DPP10: variants seen among roughly 807,000 people sequenced by gnomAD.
DPP10 encodes the protein inactive dipeptidyl peptidase 10.
DPP10 carries 33 observed loss-of-function variants against 120.9 expected under a neutral mutation model. That is an observed-to-expected ratio of 0.27 (90% confidence interval 0.21 to 0.37). DPP10 has a LOEUF of 0.37. Among genes scored for constraint, DPP10 ranks in the 10% least tolerant of loss-of-function variants. The probability of loss-of-function intolerance (pLI) is 1.00; values close to 1 mark genes in which losing one functional copy is unlikely to be tolerated. For synonymous variants in DPP10, 337 were observed against 326.1 expected, an observed-to-expected ratio of 1.03 and a Z score of -0.36; for missense variants, 816 against 942.8, an observed-to-expected ratio of 0.87 and a Z score of 1.76.
intron 1 of DPP10, among the ~76,000 whole-genome samples, chr2:114,822,689 A>G (rs1377011041): frequency 6.6e-6 from 1 of 151,980 alleles, no homozygotes; most frequent in Non-Finnish European, 1.5e-5. Context: ...TACATGCGCC[A>G]TGTTATGCTC....
At position 114,852,889 on chromosome 2, in the gene DPP10, G is replaced by A. The variant is rs191411452; in HGVS notation, c.60+410051G>A. ...AAGTTTTGCTTTTCCTCCCAAATACGCAACTCTTCATACTACTTCCAAGAA... is the reference window on the plus strand; with the variant it reads ...AAGTTTTGCTTTTCCTCCCAAATACACAACTCTTCATACTACTTCCAAGAA... On this transcript the variant is annotated intron_variant, in intron 1 of 25. Transcript: ENST00000410059. Among the ~76,000 whole-genome samples the A allele has an allele frequency of 1.9e-4, 29 of 152,144 alleles. No homozygotes were observed. The East Asian group carries it at 3.3e-3, about 17-fold the overall frequency.
chr2:114,659,570 A>G (rs10172749), intron 1 of DPP10, among the ~76,000 whole-genome samples: 48,500 of 151,916 alleles, frequency 0.32, 9,611 homozygotes, highest in African/African-American at 0.55. Context: ...TCAGAAAACA[A>G]TCACCCAAGA....
At chr2:115,315,424 G>C (rs1036597332) in intron 2 of DPP10, among the ~76,000 whole-genome samples, 20 of 152,066 alleles carry the variant, frequency 1.3e-4, no homozygotes, top group African/African-American at 4.6e-4. Context: ...TTACTATTTT[G>C]CTCTAACAAA....
At chr2:115,089,654 C>A (rs1709074899) in intron 1 of DPP10, among the ~76,000 whole-genome samples, 1 of 152,210 alleles carries the variant, frequency 6.6e-6, no homozygotes, top group Non-Finnish European at 1.5e-5. Context: ...TTGTTTCCTG[C>A]TTCAGAAGAA....
chr2:115,792,030 A>G (rs1684046141), intron 19 of DPP10, among the ~76,000 whole-genome samples: 1 of 152,178 alleles, frequency 6.6e-6, no homozygotes, highest in Admixed American at 6.5e-5. Flanking sequence ...ATCTTTAGAT[A>G]CAATAATTTC....
chr2:115,538,670 C>T lies in DPP10; in HGVS notation c.441+12698C>T, dbSNP rs184884521. Among the ~76,000 whole-genome samples, 6 of 152,010 alleles carry T rather than the reference C, an allele frequency of 3.9e-5. No homozygotes were observed. In the East Asian group the frequency reaches 9.7e-4, roughly 25 times the overall value. On this transcript the variant is annotated intron_variant, in intron 5 of 25. Transcript: ENST00000410059. ...GTAATGGACACACTAACTTAAGTAA[C>T]GTTATTGGCCACAGCTCAGTATAAA...
chr2:115,041,117 C>CAAAAA (rs10577275), intron 1 of DPP10, among the ~76,000 whole-genome samples: 2 of 127,936 alleles, frequency 1.6e-5, no homozygotes, highest in Non-Finnish European at 1.7e-5. Flanking sequence ...TAGCTCAAAA[C>CAAAAA]AAAAAAAAAA....
chr2:115,001,608 CCT>C, intron 1 of DPP10, among the ~76,000 whole-genome samples: 1 of 152,242 alleles, frequency 6.6e-6, no homozygotes, highest in East Asian at 1.9e-4. Flanking sequence ...TCAGTCTACC[CCT>C]GTTTGCAGAC....
intron 1 of DPP10, among the ~76,000 whole-genome samples, chr2:115,235,885 C>T (rs569873660): frequency 6.6e-6 from 1 of 152,226 alleles, no homozygotes; most frequent in Non-Finnish European, 1.5e-5. Flanking sequence ...CAGCTATTGC[C>T]TCAAATAAGT....
intron 1 of DPP10, among the ~76,000 whole-genome samples, chr2:115,057,032 C>T (rs1181783964): frequency 6.6e-6 from 1 of 152,164 alleles, no homozygotes; most frequent in Admixed American, 6.5e-5. Context: ...AGAACTATTT[C>T]CCCACTCCCT....
intron 1 of DPP10, among the ~76,000 whole-genome samples, chr2:115,120,344 G>T (rs2049758702): frequency 6.6e-6 from 1 of 152,212 alleles, no homozygotes; most frequent in Admixed American, 6.5e-5. Context: ...GACTCCTGGG[G>T]ATTTGAAGAT....
rs114996992 is a variant in DPP10 at position 115,817,454 on chromosome 2, A to G, written c.1950+1725A>G. ...GGTACATACTGACAGGTGGGTGTAT[A>G]AAAAACCACTTAAGAAATGAGTAAA... On this transcript the variant is annotated intron_variant, in intron 21 of 25. Coordinates refer to ENST00000410059, the MANE Select transcript of DPP10 (RefSeq NM_020868.6). Among the ~76,000 whole-genome samples, 888 of 152,280 alleles carry G rather than the reference A, an allele frequency of 5.8e-3. 4 individuals are homozygous for G. Among genetic ancestry groups the G allele is most frequent in the Middle Eastern group, 0.014 (4 of 294 alleles).
chr2:115,015,797 G>A (rs1019674163), intron 1 of DPP10, among the ~76,000 whole-genome samples: 3 of 152,170 alleles, frequency 2.0e-5, no homozygotes, highest in Non-Finnish European at 4.4e-5. Context: ...TATAAGGGAT[G>A]TGAAGGACCT....
At chr2:115,702,127 G>T (rs535849604) in intron 7 of DPP10, among the ~76,000 whole-genome samples, 17 of 151,940 alleles carry the variant, frequency 1.1e-4, no homozygotes, top group Non-Finnish European at 2.1e-4. Flanking sequence ...GTGACACAAT[G>T]ACCTTGAGGA....
intron 3 of DPP10, among the ~76,000 whole-genome samples, chr2:115,475,471 G>C (rs995809563): frequency 2.0e-5 from 3 of 152,204 alleles, no homozygotes; most frequent in Non-Finnish European, 4.4e-5. Context: ...CCTGCTGCAG[G>C]GGCAGAGCCC....
chr2:115,437,268 C>A (rs2071581780), intron 3 of DPP10, among the ~76,000 whole-genome samples: 1 of 152,032 alleles, frequency 6.6e-6, no homozygotes, highest in South Asian at 2.1e-4. Context: ...CAAGGGGCAA[C>A]CTTTTTTATA....
At chr2:114,881,598 G>GTTTATCTA (rs1691644049) in intron 1 of DPP10, among the ~76,000 whole-genome samples, 1 of 141,102 alleles carries the variant, frequency 7.1e-6, no homozygotes, top group South Asian at 2.2e-4. Flanking sequence ...CTGTCTGTCT[G>GTTTATCTA]TCTATCTATC....
chr2:114,587,202 G>T (rs896677076), intron 1 of DPP10, among the ~76,000 whole-genome samples: 1 of 151,450 alleles, frequency 6.6e-6, no homozygotes, highest in African/African-American at 2.4e-5. Flanking sequence ...TTGGGAGGCT[G>T]AGGCAGGAAA....
intron 1 of DPP10, among the ~76,000 whole-genome samples, chr2:114,711,725 G>C (rs1701042320): frequency 6.6e-6 from 1 of 152,006 alleles, no homozygotes; most frequent in Non-Finnish European, 1.5e-5. Flanking sequence ...TAGGATAAGT[G>C]AACAAGTCTA....
Sources: allele counts gnomAD v4.1 joint callset (sites outside exome capture counted in the v4.1 genomes callset), GRCh38; gene constraint gnomAD v4.1.1; transcripts MANE v1.5; gene names NCBI Gene and HGNC (gene_info 2026-07-23, HGNC 2026-07-21).